ZFYVE9: variants seen among roughly 807,000 people sequenced by gnomAD.
ZFYVE9 encodes zinc finger FYVE domain-containing protein 9.
Under a neutral mutation model 126.7 loss-of-function variants are expected in ZFYVE9, and 43 were observed. The ratio of observed to expected loss-of-function variants is 0.34; its 90% CI spans 0.27 to 0.44. ZFYVE9 has a LOEUF of 0.44. Among genes scored for constraint, ZFYVE9 ranks in the 20% least tolerant of loss-of-function variants. The probability of loss-of-function intolerance (pLI) is 1.00; values close to 1 mark genes in which losing one functional copy is unlikely to be tolerated. For synonymous variants in ZFYVE9, 521 were observed against 597.4 expected, an observed-to-expected ratio of 0.87 and a Z score of 1.87; for missense variants, 1,476 against 1,697.0, an observed-to-expected ratio of 0.87 and a Z score of 2.29.
At chr1:52,173,943 C>A (rs1359532849) in intron 1 of ZFYVE9, among the ~76,000 whole-genome samples, 1 of 149,936 alleles carries the variant, frequency 6.7e-6, no homozygotes. Flanking sequence ...TTGATCCTTT[C>A]AAAAAACCGG....
chr1:52,311,056 A>T (rs2147849928), intron 13 of ZFYVE9, among the ~76,000 whole-genome samples: 1 of 152,120 alleles, frequency 6.6e-6, no homozygotes, highest in East Asian at 1.9e-4. Flanking sequence ...TGTAGAGATG[A>T]GGTCTTACTG....
chr1:52,269,280 C>A lies in ZFYVE9; in HGVS notation c.2625+648C>A, dbSNP rs568852385. ...AAGTAGGTGGGATTACAGGCGCCTG[C>A]CATCATGCCAGGCTAATTTTTGTAT... On this transcript the variant is annotated intron_variant, in intron 7 of 18. Transcript: ENST00000287727. Among the ~76,000 whole-genome samples, 4 of 152,150 alleles carry A rather than the reference C, an allele frequency of 2.6e-5. No individual in the cohort carries two copies. In the East Asian group the frequency reaches 7.7e-4, roughly 29 times the overall value.
chr1:52,158,223 C>A (rs538144764), intron 1 of ZFYVE9, among the ~76,000 whole-genome samples: 1 of 152,344 alleles, frequency 6.6e-6, no homozygotes, highest in South Asian at 2.1e-4. Flanking sequence ...CCTTGAAAAT[C>A]TAGCACTGTG....
At chr1:52,153,741 T>C (rs751009032) in intron 1 of ZFYVE9, among the ~76,000 whole-genome samples, 28 of 152,218 alleles carry the variant, frequency 1.8e-4, no homozygotes, top group Admixed American at 3.3e-4. Context: ...TTCATGTGTC[T>C]CTTGGCAAAA....
chr1:52,170,271 G>T (rs1572070653), intron 1 of ZFYVE9, among the ~76,000 whole-genome samples: 1 of 152,010 alleles, frequency 6.6e-6, no homozygotes, highest in Non-Finnish European at 1.5e-5. Context: ...GTTTTTCATA[G>T]TAGCCACTCA....
intron 3 of ZFYVE9, 55 bp downstream of exon 3, chr1:52,233,331 A>T (rs1046263491): frequency 2.7e-5 from 34 of 1,266,802 alleles, no homozygotes; most frequent in African/African-American, 9.0e-5. Context: ...GAATGTGGGG[A>T]TATAAGAGGA....
intron 13 of ZFYVE9, among the ~76,000 whole-genome samples, chr1:52,307,616 G>A (rs1646096808): frequency 6.6e-6 from 1 of 152,090 alleles, no homozygotes; most frequent in African/African-American, 2.4e-5. Context: ...TCTGAACTCT[G>A]TTGCCTCCGT....
chr1:52,192,735 CAG>C (rs3991107), intron 1 of ZFYVE9, among the ~76,000 whole-genome samples: 34,915 of 151,788 alleles, frequency 0.23, 5,018 homozygotes, highest in Non-Finnish European at 0.32. Context: ...AACATCATAA[CAG>C]AAAAAAATGG....
intron 16 of ZFYVE9, 77 bp downstream of exon 16, chr1:52,338,011 G>A: frequency 6.8e-7 from 1 of 1,471,910 alleles, no homozygotes; most frequent in Non-Finnish European, 9.1e-7. Context: ...GTCTACATTG[G>A]TGTTTTATAG....
At chr1:52,344,269 G>A (rs892786763) in intron 17 of ZFYVE9, among the ~76,000 whole-genome samples, 5 of 152,152 alleles carry the variant, frequency 3.3e-5, no homozygotes, top group African/African-American at 1.2e-4. Flanking sequence ...AAAAGGCTCA[G>A]ATGCCAGGCT....
At chr1:52,294,448 C>G (rs1266264296) in intron 11 of ZFYVE9, among the ~76,000 whole-genome samples, 1 of 152,202 alleles carries the variant, frequency 6.6e-6, no homozygotes, top group African/African-American at 2.4e-5. Context: ...AAGTCAACTT[C>G]ATTCTTCCAC....
chr1:52,215,828 A>G (rs1030429294), intron 1 of ZFYVE9, among the ~76,000 whole-genome samples: 16 of 152,220 alleles, frequency 1.1e-4, no homozygotes, highest in African/African-American at 3.9e-4. Flanking sequence ...GAAGGTTAAT[A>G]CTGGGTTAAT....
intron 1 of ZFYVE9, among the ~76,000 whole-genome samples, chr1:52,187,676 G>T (rs1046607295): frequency 7.9e-5 from 12 of 152,168 alleles, no homozygotes; most frequent in African/African-American, 2.9e-4. Context: ...AGACATACAT[G>T]TGCGACCAAC....
At position 52,321,637 on chromosome 1, in the gene ZFYVE9, T is replaced by C. The variant is rs10493165; in HGVS notation, c.3439-11131T>C. On this transcript the variant is annotated intron_variant, in intron 13 of 18. Transcript: ENST00000287727. ...GTACATGCCCATTGACAGGAGTGGT[T>C]CTACTACACTGGACTTCTAGTCAAA... Among the ~76,000 whole-genome samples, 1,403 of 152,222 alleles carry C rather than the reference T, an allele frequency of 9.2e-3. 63 individuals are homozygous for C. In the East Asian group the frequency reaches 0.12, roughly 13 times the overall value.
chr1:52,199,023 T>C (rs549883081), intron 1 of ZFYVE9, among the ~76,000 whole-genome samples: 1 of 152,300 alleles, frequency 6.6e-6, no homozygotes, highest in Admixed American at 6.5e-5. Flanking sequence ...AAAAATCTTT[T>C]TGCTCTGCCG....
intron 1 of ZFYVE9, among the ~76,000 whole-genome samples, chr1:52,158,449 G>A (rs1644423119): frequency 6.6e-6 from 1 of 152,222 alleles, no homozygotes; most frequent in African/African-American, 2.4e-5. Flanking sequence ...GCGCAGCAGG[G>A]AGTGCTAACT....
rs376261664 is a variant in ZFYVE9, at chr1:52,238,799, A to T, written c.1382A>T (p.Asp461Val). ...TGCATTAGTGAAAGTGAAGAATGTG[A>T]TTTCTCCACTGTTATAGACACACCA... ...GTCISESEECDFSTVIDTPAA... is the reference protein window; with the variant it reads ...GTCISESEECVFSTVIDTPAA... Residue 461 changes from aspartate (D) to valine (V), a missense_variant, in exon 4 of 19, where the codon GAT (aspartate) becomes GTT (valine). By Grantham distance (152) the Asp-to-Val change is radical. This residue lies in a region of ZFYVE9 where 807 missense variants were observed against 794.6 expected (regional missense o/e 1.02). Coordinates refer to ENST00000287727, the MANE Select transcript of ZFYVE9 (RefSeq NM_004799.4). The T allele has an allele frequency of 2.4e-5, 38 of 1,614,060 alleles. No individual in the cohort carries two copies. In the African/African-American group the frequency reaches 4.4e-4, roughly 19 times the overall value.
intron 12 of ZFYVE9, among the ~76,000 whole-genome samples, chr1:52,297,242 CTTT>C (rs767708782): frequency 9.7e-5 from 13 of 134,054 alleles, no homozygotes; most frequent in Admixed American, 3.0e-4. Flanking sequence ...AAAAACATTT[CTTT>C]TTTTTTTTTT....
chr1:52,170,892 A>G (rs1238717544), intron 1 of ZFYVE9, among the ~76,000 whole-genome samples: 2 of 152,164 alleles, frequency 1.3e-5, no homozygotes, highest in East Asian at 1.9e-4. Flanking sequence ...CTACTTGAGA[A>G]TGATCCACAT....
Sources: allele counts gnomAD v4.1 joint callset (sites outside exome capture counted in the v4.1 genomes callset), GRCh38; gene constraint gnomAD v4.1.1; regional missense constraint gnomAD v4.1.1; transcripts MANE v1.5; gene names NCBI Gene and HGNC (gene_info 2026-07-23, HGNC 2026-07-21).